LDAH: variants seen among roughly 807,000 people sequenced by gnomAD.
The protein encoded by LDAH is lipid droplet-associated hydrolase.
A neutral mutation model predicts 29.6 loss-of-function variants in LDAH; 26 were observed. That is an observed-to-expected ratio of 0.88 (90% confidence interval 0.64 to 1.22). The LOEUF is 1.22. Among genes scored for constraint, LDAH ranks in the 50% most tolerant of loss-of-function variants. The pLI is 0.00. For synonymous variants in LDAH, 117 were observed against 133.0 expected (o/e 0.88, Z 0.83); for missense variants, 344 against 387.3 (o/e 0.89, Z 0.94).
At position 20,816,749 on chromosome 2, in the gene LDAH, T is replaced by C. The variant is rs147414447; in HGVS notation, c.-3+6288A>G. On this transcript the variant is annotated intron_variant, in intron 1 of 6. Coordinates refer to ENST00000237822, the MANE Select transcript of LDAH (RefSeq NM_021925.4). ...GACATAACTGACATGTATAGAACAC[T>C]GCAACCAATAATAACAGAATACACA... Among the ~76,000 whole-genome samples the C allele has an allele frequency of 2.0e-3, 302 of 151,764 alleles. 1 individual carries two copies. The highest frequency in any genetic ancestry group is 6.8e-3 in the African/African-American group (283 of 41,426).
chr2:20,776,197 G>A (rs370923669), intron 3 of LDAH, among the ~76,000 whole-genome samples: 21 of 152,188 alleles, frequency 1.4e-4, no homozygotes, highest in African/African-American at 4.6e-4. Context: ...CCCAAACTCA[G>A]AAAAACTACT....
intron 2 of LDAH, among the ~76,000 whole-genome samples, chr2:20,792,829 T>C (rs1671065196): frequency 6.6e-6 from 1 of 152,144 alleles, no homozygotes; most frequent in Non-Finnish European, 1.5e-5. Context: ...AGATGATGGG[T>C]TGACAGGTGC....
At chr2:20,753,388 C>A (rs549193231) in intron 4 of LDAH, among the ~76,000 whole-genome samples, 1 of 152,228 alleles carries the variant, frequency 6.6e-6, no homozygotes, top group South Asian at 2.1e-4. Context: ...ATACAGGCGA[C>A]TGGAATAATC....
intron 1 of LDAH, among the ~76,000 whole-genome samples, chr2:20,806,453 T>C (rs958330119): frequency 3.3e-5 from 5 of 152,154 alleles, no homozygotes; most frequent in African/African-American, 1.2e-4. Flanking sequence ...ACTGGTCAAG[T>C]GCAGGTTTGA....
intron 5 of LDAH, 98 bp from the exon 6 acceptor site, chr2:20,701,750 G>C: frequency 9.2e-7 from 1 of 1,084,074 alleles, no homozygotes; most frequent in Non-Finnish European, 1.4e-6. Flanking sequence ...CTTTCTTTTG[G>C]CACGTGCTAT....
chr2:20,701,481 T>G, intron 6 of LDAH, 89 bp downstream of exon 6: 1 of 1,062,000 alleles, frequency 9.4e-7, no homozygotes, highest in East Asian at 2.4e-5. Context: ...CCTTAAAGTC[T>G]TACAGATTCT....
intron 3 of LDAH, among the ~76,000 whole-genome samples, chr2:20,779,320 G>A (rs986151584): frequency 2.0e-5 from 3 of 151,996 alleles, no homozygotes; most frequent in Admixed American, 2.0e-4. Flanking sequence ...TGGACACAGA[G>A]AGGGGAACAA....
At chr2:20,710,648 C>G (rs57947816) in intron 5 of LDAH, among the ~76,000 whole-genome samples, 24,500 of 134,946 alleles carry the variant, frequency 0.18, 2,493 homozygotes, top group Admixed American at 0.22. Context: ...ATATAGTATA[C>G]ATATATATAC....
At chr2:20,792,639 A>G (rs1365427107) in intron 2 of LDAH, among the ~76,000 whole-genome samples, 2 of 152,202 alleles carry the variant, frequency 1.3e-5, no homozygotes, top group Non-Finnish European at 2.9e-5. Flanking sequence ...GGCACATGGT[A>G]GGGGCTGAAT....
intron 3 of LDAH, chr2:20,789,270 G>GC: frequency 6.4e-7 from 1 of 1,550,496 alleles, no homozygotes; most frequent in Non-Finnish European, 8.7e-7. Context: ...GGGTCATGAG[G>GC]GTAGAGCCCG....
At chr2:20,753,932 G>A (rs570882902) in intron 4 of LDAH, among the ~76,000 whole-genome samples, 6 of 152,122 alleles carry the variant, frequency 3.9e-5, no homozygotes, top group South Asian at 2.1e-4. Flanking sequence ...TAATAAATCC[G>A]AAATTCATAA....
intron 5 of LDAH, among the ~76,000 whole-genome samples, chr2:20,711,462 G>C (rs536430027): frequency 2.6e-5 from 4 of 152,062 alleles, no homozygotes; most frequent in Non-Finnish European, 4.4e-5. Flanking sequence ...GCAGCTTCCA[G>C]CATGATTGAC....
chr2:20,780,248 A>T (rs745513214), intron 3 of LDAH, among the ~76,000 whole-genome samples: 22 of 152,306 alleles, frequency 1.4e-4, no homozygotes, highest in Middle Eastern at 3.4e-3. Context: ...TTTATAAAAT[A>T]ATTTTTAATT....
chr2:20,773,049 G>A (rs1326939048), intron 4 of LDAH, among the ~76,000 whole-genome samples: 2 of 152,110 alleles, frequency 1.3e-5, no homozygotes, highest in African/African-American at 2.4e-5. Context: ...AAGTTTTGGG[G>A]CAATTTGATA....
chr2:20,711,731 T>A (rs1029074688), intron 5 of LDAH, among the ~76,000 whole-genome samples: 1 of 152,218 alleles, frequency 6.6e-6, no homozygotes. Flanking sequence ...ACCAGAAGAT[T>A]ACATCCTGCG....
chr2:20,796,850 A>G (rs1671337193), intron 2 of LDAH, among the ~76,000 whole-genome samples: 1 of 152,160 alleles, frequency 6.6e-6, no homozygotes, highest in Admixed American at 6.5e-5. Flanking sequence ...CATTCAAAAC[A>G]TGGTCTCAAC....
At chr2:20,809,149 T>C (rs1161060228) in intron 1 of LDAH, among the ~76,000 whole-genome samples, 2 of 151,326 alleles carry the variant, frequency 1.3e-5, no homozygotes, top group Non-Finnish European at 1.5e-5. Context: ...CCCAGCACTT[T>C]AGGAGGCCGA....
Position 20,774,820 on chromosome 2 carries a change from G to A in LDAH, c.458C>T (p.Pro153Leu), listed in dbSNP as rs1385156058. The A allele has an allele frequency of 6.2e-7, 1 of 1,612,738 alleles. No homozygotes were observed. The highest frequency in any genetic ancestry group is 1.3e-5 in the African/African-American group (1 of 74,888). Residue 153 changes from proline (P) to leucine (L), a missense_variant, in exon 4 of 7, where the codon CCT becomes CTT. Pro to Leu is a moderately conservative substitution (Grantham distance 98). Coordinates refer to ENST00000237822, the MANE Select transcript of LDAH (RefSeq NM_021925.4). The stretch of plus-strand genomic sequence containing the variant: ...TGGAGACCTACTTACCGGGAGCTCA[G>A]GGACTCGCTTCAGCATCTGAAGTGT... ...YFTLQMLKRV[P>L]ELPVIRAFLL...
In LDAH at chr2:20,696,406, T is replaced by C. The variant is rs550350833; in HGVS notation, c.786+5164A>G. 1.6e-3 allele frequency among the ~76,000 whole-genome samples: 241 copies of C among 152,294 alleles called. 1 individual carries two copies. The highest frequency in any genetic ancestry group is 5.4e-3 in the African/African-American group (223 of 41,568). On this transcript the variant is annotated intron_variant, in intron 6 of 6. Transcript: ENST00000237822. ...ACACTGTAGCCCTGGCCTGGCCCTCTGGGGGCAGGGGCAGCACCACCTTAC... is the reference window on the plus strand; with the variant it reads ...ACACTGTAGCCCTGGCCTGGCCCTCCGGGGGCAGGGGCAGCACCACCTTAC...
Sources: allele counts gnomAD v4.1 joint callset (sites outside exome capture counted in the v4.1 genomes callset), GRCh38; gene constraint gnomAD v4.1.1; transcripts MANE v1.5; gene names NCBI Gene and HGNC (gene_info 2026-07-23, HGNC 2026-07-21).